The following RASGRP3 variants were observed in gnomAD, a reference collection of about 807,000 sequenced individuals.
RASGRP3 encodes ras guanyl-releasing protein 3.
RASGRP3 carries 54 observed loss-of-function variants against 82.7 expected under a neutral mutation model. That is an observed-to-expected ratio of 0.65 (90% confidence interval 0.52 to 0.82). The LOEUF is 0.82. Among genes scored for constraint, RASGRP3 ranks in the 40% least tolerant of loss-of-function variants. The pLI is 0.00. For synonymous variants in RASGRP3, 309 were observed against 300.5 expected (o/e 1.03, Z -0.29); for missense variants, 861 against 828.9 (o/e 1.04, Z -0.48).
At chr2:33,482,054 C>A (rs1335189730) in intron 1 of RASGRP3, 11 of 149,950 alleles carry the variant, frequency 7.3e-5, no homozygotes, top group Non-Finnish European at 1.6e-4. Flanking sequence ...CGCTTTGTCG[C>A]CCAGGCTGGA....
chr2:33,552,626 C>T (rs1374535720), intron 14 of RASGRP3, among the ~76,000 whole-genome samples: 1 of 152,142 alleles, frequency 6.6e-6, no homozygotes, highest in Non-Finnish European at 1.5e-5. Flanking sequence ...GGTTCCAGTG[C>T]CGGAACCATC....
chr2:33,480,191 C>T (rs927751037), intron 1 of RASGRP3, among the ~76,000 whole-genome samples: 10 of 151,932 alleles, frequency 6.6e-5, no homozygotes, highest in South Asian at 2.1e-4. Context: ...TACAGGCGCC[C>T]GCCACCATGC....
At position 33,523,852 on chromosome 2, in the gene RASGRP3, C is replaced by A. The variant is rs916064991; in HGVS notation, c.517-27C>A. The A allele has an allele frequency of 7.6e-6, 12 of 1,577,120 alleles. No homozygotes were observed. The African/African-American group carries it at 1.5e-4, about 20-fold the overall frequency. ...ATTTTACAAAGGCTCTATTATAATT[C>A]AGAGTCTCTGAATCTTCCTTTCCTA... On this transcript the variant is annotated intron_variant, in intron 7 of 17. Transcript: ENST00000403687.
chr2:33,471,828 A>T (rs1319993043), upstream of RASGRP3, among the ~76,000 whole-genome samples: 1 of 152,082 alleles, frequency 6.6e-6, no homozygotes, highest in African/African-American at 2.4e-5. Context: ...GATATGTGGT[A>T]TTCTCATCAC....
intron 2 of RASGRP3, among the ~76,000 whole-genome samples, chr2:33,512,152 GA>G (rs756339326): frequency 5.3e-5 from 8 of 152,212 alleles, no homozygotes; most frequent in Non-Finnish European, 1.2e-4. Flanking sequence ...ACTGATTGCA[GA>G]AACAGATTGT....
chr2:33,524,778 C>T (rs1158197111), intron 9 of RASGRP3, among the ~76,000 whole-genome samples: 1 of 152,072 alleles, frequency 6.6e-6, no homozygotes, highest in East Asian at 1.9e-4. Context: ...TTTGACATAC[C>T]ATTAGAATAC....
chr2:33,452,873 T>C (rs1469790345), intron 2 of RASGRP3, among the ~76,000 whole-genome samples: 2 of 152,188 alleles, frequency 1.3e-5, no homozygotes, highest in Non-Finnish European at 2.9e-5. Context: ...GGCCCAGCAT[T>C]AGGGTAGCCC....
intron 14 of RASGRP3, among the ~76,000 whole-genome samples, chr2:33,554,765 G>A (rs372119777): frequency 6.6e-6 from 1 of 152,118 alleles, no homozygotes; most frequent in African/African-American, 2.4e-5. Flanking sequence ...GAGCCACCGC[G>A]CCTGGCCAGG....
intron 2 of RASGRP3, among the ~76,000 whole-genome samples, chr2:33,456,957 G>A (rs10187914): frequency 0.099 from 13,928 of 140,284 alleles, 805 homozygotes; most frequent in South Asian, 0.22. Flanking sequence ...AGGCTGAAGT[G>A]CAGTGGCCTA....
intron 2 of RASGRP3, among the ~76,000 whole-genome samples, chr2:33,464,466 G>A (rs1275647760): frequency 7.6e-6 from 1 of 131,648 alleles, no homozygotes; most frequent in Admixed American, 7.8e-5. Context: ...TCTGTGATCA[G>A]TGATCTTTTT....
At chr2:33,558,069 C>A in intron 15 of RASGRP3, 142 bp from the exon 16 acceptor site, 1 of 1,113,472 alleles carries the variant, frequency 9.0e-7, no homozygotes. Context: ...CCTAGACACA[C>A]CCCATGGGCC....
Position 33,523,999 on chromosome 2 carries a change from C to A in RASGRP3, c.637C>A (p.Pro213Thr). 1 of 1,613,878 alleles carries A rather than the reference C, an allele frequency of 6.2e-7. No homozygotes were observed. Among genetic ancestry groups the A allele is most frequent in the South Asian group, 1.1e-5 (1 of 91,074 alleles). The change falls in exon 8 of 18, where the codon CCA becomes ACA. Residue 213 changes from proline (P) to threonine (T), a missense_variant. Pro to Thr is a conservative substitution (Grantham distance 38, BLOSUM62 -1). Coordinates refer to ENST00000403687, the MANE Select transcript of RASGRP3 (RefSeq NM_001139488.2). ...GGTCCAGTTGATGGTTCTTAGCAAACCAACCCCCCAGCAAAGGGCAGAAGT... is the reference window on the plus strand; with the variant it reads ...GGTCCAGTTGATGGTTCTTAGCAAAACAACCCCCCAGCAAAGGGCAGAAGT... ...KWVQLMVLSKPTPQQRAEVIT... is the reference protein window; with the variant it reads ...KWVQLMVLSKTTPQQRAEVIT...
intron 5 of RASGRP3, 113 bp downstream of exon 5, chr2:33,520,127 C>G (rs1458604372): frequency 3.5e-6 from 3 of 852,108 alleles, no homozygotes; most frequent in Non-Finnish European, 5.5e-6. Flanking sequence ...CTCTGATACC[C>G]CTCCCACCAA....
intron 1 of RASGRP3, among the ~76,000 whole-genome samples, chr2:33,494,168 A>T (rs1669101329): frequency 1.3e-5 from 2 of 152,170 alleles, no homozygotes; most frequent in Non-Finnish European, 2.9e-5. Flanking sequence ...ACTAAGTAAA[A>T]AAATCCCCTT....
At chr2:33,484,520 C>T (rs984781574) in intron 1 of RASGRP3, among the ~76,000 whole-genome samples, 9 of 151,666 alleles carry the variant, frequency 5.9e-5, no homozygotes, top group Non-Finnish European at 8.8e-5. Flanking sequence ...TGAGTTGACA[C>T]GATGCTTTAG....
chr2:33,500,791 G>T (rs541711108), intron 1 of RASGRP3, among the ~76,000 whole-genome samples: 2 of 152,102 alleles, frequency 1.3e-5, no homozygotes, highest in Non-Finnish European at 2.9e-5. Context: ...AAAAGTAGCC[G>T]GACATGGTGG....
chr2:33,499,568 C>G (rs1574348815), intron 1 of RASGRP3, among the ~76,000 whole-genome samples: 1 of 152,028 alleles, frequency 6.6e-6, no homozygotes, highest in Non-Finnish European at 1.5e-5. Flanking sequence ...CAAAACAAAA[C>G]AAAACCAAAA....
chr2:33,467,864 G>A (rs960366309), intron 2 of RASGRP3, among the ~76,000 whole-genome samples: 4 of 152,160 alleles, frequency 2.6e-5, no homozygotes, highest in Non-Finnish European at 4.4e-5. Flanking sequence ...CCACACTTCC[G>A]CCCTCTTCCT....
At chr2:33,534,703 T>C (rs1258022665) in intron 11 of RASGRP3, among the ~76,000 whole-genome samples, 1 of 150,316 alleles carries the variant, frequency 6.7e-6, no homozygotes, top group East Asian at 1.9e-4. Context: ...AATTTTTTTT[T>C]TTTTTTTTTT....
Sources: allele counts gnomAD v4.1 joint callset (sites outside exome capture counted in the v4.1 genomes callset), GRCh38; gene constraint gnomAD v4.1.1; transcripts MANE v1.5; gene names NCBI Gene and HGNC (gene_info 2026-07-23, HGNC 2026-07-21).